The following SYT5 variants were observed in gnomAD, a reference collection of about 807,000 sequenced individuals.
The protein encoded by SYT5 is synaptotagmin-5.
SYT5 carries 29 observed loss-of-function variants against 36.0 expected under a neutral mutation model. The ratio of observed to expected loss-of-function variants is 0.81; its 90% CI spans 0.60 to 1.10. The LOEUF (loss-of-function observed/expected upper bound fraction) is 1.10. Among genes scored for constraint, SYT5 ranks in the 50% least tolerant of loss-of-function variants. The pLI is 0.00. For missense variants in SYT5, 512 were observed against 516.0 expected (o/e 0.99, Z 0.08); for synonymous variants, 231 against 227.6 (o/e 1.02, Z -0.14).
In SYT5 at chr19:55,171,665, T is replaced by A. The variant is rs1462929579; in HGVS notation, c.*1819A>T. The A allele has an allele frequency of 1.3e-5, 2 of 152,094 alleles. No homozygotes were observed. Among genetic ancestry groups the A allele is most frequent in the African/African-American group, 4.8e-5 (2 of 41,418 alleles). The allele number at this position is 152,094 out of a possible 1,614,324, so 9.4% of individuals were successfully genotyped here. A position where few individuals can be genotyped will look rare whatever the true frequency, so the allele number is the denominator to read the frequency against. On this transcript the variant is annotated 3_prime_UTR_variant, in exon 9 of 9. Transcript: ENST00000354308. ...GCTAGAAACAGAGTAGGAGGCAGCA[T>A]TCGTTGAAAGAACAATGAGGTCAGA... is the stretch of plus-strand genomic sequence containing the variant.
In SYT5 at chr19:55,176,174, A is replaced by G. The variant is rs767409480; in HGVS notation, c.253-50T>C. 1.9e-6 allele frequency: 3 copies of G among 1,611,862 alleles called. No individual in the cohort carries two copies. In the African/African-American group the frequency reaches 4.0e-5, roughly 21 times the overall value. ...GGTGAAGTCTTCCCCTGATAGCAGT[A>G]TCCATCAGGCTCAGAAGCCAAGGGA... On this transcript the variant is annotated intron_variant, in intron 3 of 8. Coordinates refer to ENST00000354308, the MANE Select transcript of SYT5 (RefSeq NM_003180.3).
Position 55,172,045 on chromosome 19 carries a change from C to T in SYT5, c.*1439G>A, listed in dbSNP as rs1025975990. ...CGGTGAGCCGAGATTGCACCATTGC[C>T]CTCCATTCTGGGCAACAACAGCGAA... On this transcript the variant is annotated 3_prime_UTR_variant, in exon 9 of 9. Coordinates refer to ENST00000354308, the MANE Select transcript of SYT5 (RefSeq NM_003180.3). 6.8e-6 allele frequency: 1 copy of T among 147,922 alleles called. No homozygotes were observed. Among genetic ancestry groups the T allele is most frequent in the African/African-American group, 2.5e-5 (1 of 39,974 alleles). 9.2% of individuals were successfully genotyped at this position (147,922 alleles called of 1,614,324 possible).
At chr19:55,176,173 TATCC>T (rs2147331486) in intron 3 of SYT5, 49 bp from the exon 4 acceptor site, 1 of 1,611,890 alleles carries the variant, frequency 6.2e-7, no homozygotes, top group Non-Finnish European at 8.5e-7. Flanking sequence ...CTGATAGCAG[TATCC>T]ATCAGGCTCA....
rs1453496406 is a variant in SYT5, at chr19:55,173,538, G to C, written c.1107C>G (p.Ala369=). The change falls in exon 9 of 9, where the codon GCC becomes GCG. Residue 369 remains alanine (A), a synonymous_variant. Transcript: ENST00000354308. This position sits in a 1 kb window ranked among gnomAD's most constrained non-coding sequence, Gnocchi z 5.4. ...CCGGGGGCCGCAGCGAGTGCCACTG[G>C]GCAATGGGCCGCCGCGGGTTGGCCA... ...DMLANPRRPI[A]QWHSLRPPDR... 7.0e-7 allele frequency: 1 copy of C among 1,426,454 alleles called. No individual in the cohort carries two copies. Among genetic ancestry groups the C allele is most frequent in the African/African-American group, 1.5e-5 (1 of 66,406 alleles). 88.4% of individuals were successfully genotyped at this position (1,426,454 alleles called of 1,614,324 possible). A position where few individuals can be genotyped will look rare whatever the true frequency, so the allele number is the denominator to read the frequency against.
chr19:55,173,554 G>A lies in SYT5; in HGVS notation c.1091C>T (p.Pro364Leu), dbSNP rs978382119. 1.3e-5 allele frequency: 19 copies of A among 1,439,270 alleles called. No homozygotes were observed. Among genetic ancestry groups the A allele is most frequent in the East Asian group, 8.9e-5 (3 of 33,660 alleles). The allele number at this position is 1,439,270 out of a possible 1,614,324, so 89.2% of individuals were successfully genotyped here. The change falls in exon 9 of 9, where the codon CCG becomes CTG. Residue 364 changes from proline (P) to leucine (L), a missense_variant. Pro to Leu is a moderately conservative substitution (Grantham distance 98, BLOSUM62 -3). Coordinates refer to ENST00000354308, the MANE Select transcript of SYT5 (RefSeq NM_003180.3). The surrounding 1 kb of genome is among the most constrained non-coding windows in gnomAD (Gnocchi z 5.4). ...GTGCCACTGGGCAATGGGCCGCCGC[G>A]GGTTGGCCAGCATGTCCGCCCAGTG... ...LRHWADMLAN[P>L]RRPIAQWHSL...
rs1159831673 is a variant in SYT5, at chr19:55,171,682, G to T, written c.*1802C>A. 3 of 152,172 alleles carry T rather than the reference G, an allele frequency of 2.0e-5. No homozygotes were observed. Among genetic ancestry groups the T allele is most frequent in the African/African-American group, 7.2e-5 (3 of 41,442 alleles). 9.4% of individuals were successfully genotyped at this position (152,172 alleles called of 1,614,324 possible). ...AGGCAGCATTCGTTGAAAGAACAAT[G>T]AGGTCAGATGCGGCGGCTCATGTCT... On this transcript the variant is annotated 3_prime_UTR_variant, in exon 9 of 9. Coordinates refer to ENST00000354308, the MANE Select transcript of SYT5 (RefSeq NM_003180.3).
In SYT5 at chr19:55,180,133, C is replaced by G. The variant is rs1275984905; in HGVS notation, c.-62G>C. ...AGCTCCTACCTGCTCGGCGGCTGGA[C>G]GGGACACTCCCGGGAGACGCCGAGG... On this transcript the variant is annotated 5_prime_UTR_variant, in exon 1 of 9. Transcript: ENST00000354308. 6.6e-6 allele frequency: 1 copy of G among 152,296 alleles called. No homozygotes were observed. Among genetic ancestry groups the G allele is most frequent in the African/African-American group, 2.4e-5 (1 of 41,454 alleles). 9.4% of individuals were successfully genotyped at this position (152,296 alleles called of 1,614,324 possible).
In SYT5 at chr19:55,176,266, G is replaced by A. The variant is rs2086076399; in HGVS notation, c.253-142C>T. The A allele has an allele frequency of 5.3e-6, 6 of 1,131,320 alleles. No individual in the cohort carries two copies. The East Asian group carries it at 1.2e-4, about 23-fold the overall frequency. 70.1% of individuals were successfully genotyped at this position (1,131,320 alleles called of 1,614,324 possible). On this transcript the variant is annotated intron_variant, in intron 3 of 8. Transcript: ENST00000354308. Reference sequence around the variant, plus strand: ...TAAGCAGATTCAGTATTTGACTAGTGCTGTCTGCCACAGGCAGGAAATAGA... The same window carrying A: ...TAAGCAGATTCAGTATTTGACTAGTACTGTCTGCCACAGGCAGGAAATAGA...
intron 3 of SYT5, 124 bp downstream of exon 3, chr19:55,178,072 G>A (rs1158930362): frequency 9.0e-7 from 1 of 1,114,286 alleles, no homozygotes; most frequent in Non-Finnish European, 1.2e-6. Flanking sequence ...AGACACACAG[G>A]GAGGATGAGC....
At chr19:55,174,272 G>A (rs554592380) in intron 8 of SYT5, among the ~76,000 whole-genome samples, 164 of 151,818 alleles carry the variant, frequency 1.1e-3, no homozygotes, top group African/African-American at 3.9e-3. Flanking sequence ...TGGAGCATCT[G>A]GTACTGCTTA....
chr19:55,174,830 G>A, intron 7 of SYT5, 52 bp downstream of exon 7: 1 of 1,591,758 alleles, frequency 6.3e-7, no homozygotes, highest in Non-Finnish European at 8.6e-7. Flanking sequence ...GTCAGAACGA[G>A]AACCCACCCC....
Position 55,173,442 on chromosome 19 carries a change from A to T in SYT5, c.*42T>A. The T allele has an allele frequency of 1.5e-6, 2 of 1,306,176 alleles. No individual in the cohort carries two copies. Among genetic ancestry groups the T allele is most frequent in the Non-Finnish European group, 1.9e-6 (2 of 1,028,558 alleles). 80.9% of individuals were successfully genotyped at this position (1,306,176 alleles called of 1,614,324 possible). The stretch of plus-strand genomic sequence containing the variant: ...TGGCCGGTCTCGGGAGTCTGGGGTC[A>T]GGGGCTAGAGTCCAGGCTTGGCCGG... On this transcript the variant is annotated 3_prime_UTR_variant, in exon 9 of 9. Coordinates refer to ENST00000354308, the MANE Select transcript of SYT5 (RefSeq NM_003180.3). The surrounding 1 kb of genome is among the most constrained non-coding windows in gnomAD (Gnocchi z 5.4).
Position 55,178,998 on chromosome 19 carries a change from G to T in SYT5, c.44C>A (p.Thr15Lys). 2 of 1,591,894 alleles carry T rather than the reference G, an allele frequency of 1.3e-6. No homozygotes were observed. The highest frequency in any genetic ancestry group is 1.7e-6 in the Non-Finnish European group (2 of 1,169,792). Residue 15 changes from threonine to lysine, a missense_variant, in exon 2 of 9, where the codon ACG (threonine) becomes AAG (lysine). Transcript: ENST00000354308. ...PPTPGPPSPD[T>K]PPDSSRISHG... ...GCTGATGCGACTGGAGTCGGGAGGC[G>T]TGTCGGGCGATGGAGGCCCCGGGGT...
chr19:55,174,447 G>T, intron 8 of SYT5, 70 bp downstream of exon 8: 1 of 1,562,480 alleles, frequency 6.4e-7, no homozygotes, highest in Non-Finnish European at 8.7e-7. Flanking sequence ...ATGCTAAAAA[G>T]TCTCCCTCCG....
At position 55,179,018 on chromosome 19, in the gene SYT5, C is replaced by A. The variant is rs1326030696; in HGVS notation, c.24G>T (p.Pro8=). The A allele has an allele frequency of 6.2e-7, 1 of 1,603,768 alleles. No individual in the cohort carries two copies. The highest frequency in any genetic ancestry group is 8.5e-7 in the Non-Finnish European group (1 of 1,175,684). The change falls in exon 2 of 9, where the codon CCG becomes CCT. Residue 8 remains proline (P), a synonymous_variant. Transcript: ENST00000354308. The surrounding 1 kb of genome is among the most constrained non-coding windows in gnomAD (Gnocchi z 4.5). ...GAGGCGTGTCGGGCGATGGAGGCCC[C>A]GGGGTTGGGGGCTCCGGGAACATGG... MFPEPPT[P]GPPSPDTPPD...
In SYT5 at chr19:55,175,963, C is replaced by A. The variant is rs1244698418; in HGVS notation, c.372+42G>T. ...CTCCTTTCAGAAGGGGTTGGAACCC[C>A]CGGGATCCTCCCTCCAAAGCTTCCC... On this transcript the variant is annotated intron_variant, in intron 4 of 8. Transcript: ENST00000354308. The surrounding 1 kb of genome is among the most constrained non-coding windows in gnomAD (Gnocchi z 4.5). 1 of 1,613,732 alleles carries A rather than the reference C, an allele frequency of 6.2e-7. No homozygotes were observed. The highest frequency in any genetic ancestry group is 1.1e-5 in the South Asian group (1 of 91,070).
At chr19:55,174,282 A>C (rs1264203742) in intron 8 of SYT5, among the ~76,000 whole-genome samples, 2 of 151,836 alleles carry the variant, frequency 1.3e-5, no homozygotes, top group Non-Finnish European at 2.9e-5. Flanking sequence ...GGTACTGCTT[A>C]GGGGTGGGAC....
At chr19:55,178,474 G>T (rs986894242) in intron 2 of SYT5, 106 bp from the exon 3 acceptor site, 16 of 1,304,646 alleles carry the variant, frequency 1.2e-5, no homozygotes, top group Non-Finnish European at 1.6e-5. Context: ...TTTCCCTCCA[G>T]CCATTTTCAT....
chr19:55,171,346 C>CAT lies in SYT5; in HGVS notation c.*2137_*2138insAT, dbSNP rs2086004871. On this transcript the variant is annotated 3_prime_UTR_variant, in exon 9 of 9. Coordinates refer to ENST00000354308, the MANE Select transcript of SYT5 (RefSeq NM_003180.3). The stretch of plus-strand genomic sequence containing the variant: ...ACACACACACACACACACACACACA[C>CAT]TCACACACATGAAAAGTTACTGAAT... 3 of 138,988 alleles carry CAT rather than the reference C, an allele frequency of 2.2e-5. No homozygotes were observed. The South Asian group carries it at 6.8e-4, about 31-fold the overall frequency. 8.6% of individuals were successfully genotyped at this position (138,988 alleles called of 1,614,324 possible). A position where few individuals can be genotyped will look rare whatever the true frequency, so the allele number is the denominator to read the frequency against.
Sources: allele counts gnomAD v4.1 joint callset (sites outside exome capture counted in the v4.1 genomes callset), GRCh38; gene constraint gnomAD v4.1.1; non-coding constraint Gnocchi (gnomAD v3.1); transcripts MANE v1.5; gene names NCBI Gene and HGNC (gene_info 2026-07-23, HGNC 2026-07-21).